The following L3MBTL1 variants were observed in gnomAD, a reference collection of about 807,000 sequenced individuals.
The protein encoded by L3MBTL1 is L3MBTL histone methyl-lysine binding protein 1.
Under a neutral mutation model 105.3 loss-of-function variants are expected in L3MBTL1, and 75 were observed. That is an observed-to-expected ratio of 0.71 (90% CI 0.59 to 0.86). The LOEUF (loss-of-function observed/expected upper bound fraction) is 0.86, where lower values mean the gene tolerates loss of function less well. Ranked by LOEUF, L3MBTL1 falls within the 40% of genes least tolerant of loss-of-function variation. L3MBTL1 has a pLI of 0.00. For missense variants in L3MBTL1, 1,069 were observed against 1,126.4 expected, an observed-to-expected ratio of 0.95 and a Z score of 0.73; for synonymous variants, 452 against 436.2, an observed-to-expected ratio of 1.04 and a Z score of -0.45.
chr20:43,547,256 C>T (rs1978672331), intron 18 of L3MBTL1, among the ~76,000 whole-genome samples: 1 of 152,068 alleles, frequency 6.6e-6, no homozygotes, highest in Non-Finnish European at 1.5e-5. Flanking sequence ...AGGCGCCCGC[C>T]ACCACGCCCA....
chr20:43,550,327 G>T (rs1472357920), exon 19 of L3MBTL1: 1 of 152,228 alleles, frequency 6.6e-6, no homozygotes, highest in African/African-American at 2.4e-5. Context: ...CATCAGATCT[G>T]CCAAGCACCT....
chr20:43,538,331 CT>C (rs1247080258), intron 19 of L3MBTL1, among the ~76,000 whole-genome samples: 1 of 152,344 alleles, frequency 6.6e-6, no homozygotes, highest in Admixed American at 6.5e-5. Flanking sequence ...GAAGCTACAT[CT>C]TTCCAGAGGC....
rs745376971 is a variant in L3MBTL1 at position 43,529,318 on chromosome 20, G to T, written c.1006G>T (p.Gly336Cys). Residue 336 changes from glycine to cysteine, a missense_variant, in exon 9 of 22, where the codon GGC becomes TGC. Transcript: ENST00000418998. ...NGFKLGMKLE[G>C]IDPQHPSMYF... ...CTTCAAACTGGGCATGAAGTTGGAA[G>T]GCATTGACCCTCAACACCCGTCCAT... The T allele has an allele frequency of 6.2e-7, 1 of 1,613,476 alleles. No individual in the cohort carries two copies. Among genetic ancestry groups the T allele is most frequent in the East Asian group, 2.2e-5 (1 of 44,868 alleles).
In L3MBTL1 at chr20:43,514,551, C is replaced by T. The variant is rs1319342782; in HGVS notation, c.361-84C>T. 3 of 1,589,232 alleles carry T rather than the reference C, an allele frequency of 1.9e-6. No individual in the cohort carries two copies. The highest frequency in any genetic ancestry group is 2.3e-5 in the East Asian group (1 of 43,646). On this transcript the variant is annotated intron_variant, in intron 3 of 21. Transcript: ENST00000418998. ...GCTGAGGGCGTGAGCTGGCATGAGG[C>T]GAAGAGAGGGCCATGGCACCGACTC...
exon 19 of L3MBTL1, chr20:43,548,138 C>T (rs2145509681): frequency 3.1e-6 from 4 of 1,304,142 alleles, no homozygotes; most frequent in Non-Finnish European, 4.0e-6. Flanking sequence ...CTTCCTTTTG[C>T]TGACACAGGC....
chr20:43,528,594 A>C, intron 7 of L3MBTL1, 63 bp from the exon 8 acceptor site: 1 of 1,231,086 alleles, frequency 8.1e-7, no homozygotes, highest in Non-Finnish European at 1.2e-6. Context: ...GGTCAGGGGA[A>C]GCCGAAGAAA....
Position 43,515,069 on chromosome 20 carries a change from C to A in L3MBTL1, c.563C>A (p.Thr188Asn), listed in dbSNP as rs762738164. The change falls in exon 5 of 22, where the codon ACC becomes AAC. Residue 188 changes from threonine to asparagine, a missense_variant. Thr to Asn is a moderately conservative substitution (Grantham distance 65). Transcript: ENST00000418998. ...PNQDPPEDDS[T>N]CQCQACGPHQ... ...CAGGACCCCCCAGAGGATGATAGCA[C>A]CTGTCAGTGCCAGGCGTGCGGGCCT... is the stretch of plus-strand genomic sequence containing the variant. 10 of 1,614,152 alleles carry A rather than the reference C, an allele frequency of 6.2e-6. No individual in the cohort carries two copies. Among genetic ancestry groups the A allele is most frequent in the Non-Finnish European group, 8.5e-6 (10 of 1,179,982 alleles).
rs2019529703 is a variant in L3MBTL1, at chr20:43,534,934, C to T, written c.1817C>T (p.Pro606Leu). ...WCSKTGHPLQ[P>L]PLGPREPSSA... ...TCCAAGACAGGACATCCCCTGCAGCCTCCTCTCGGTGTGTACCCCTAGGGC... is the reference window on the plus strand; with the variant it reads ...TCCAAGACAGGACATCCCCTGCAGCTTCCTCTCGGTGTGTACCCCTAGGGC... The change falls in exon 16 of 22, where the codon CCT becomes CTT. Residue 606 changes from proline to leucine, a missense_variant. By Grantham distance (98) the Pro-to-Leu change is moderately conservative. Transcript: ENST00000418998. 3 of 1,599,502 alleles carry T rather than the reference C, an allele frequency of 1.9e-6. No homozygotes were observed. The East Asian group carries it at 6.7e-5, about 36-fold the overall frequency.
chr20:43,547,319 T>C (rs982362873), intron 18 of L3MBTL1, among the ~76,000 whole-genome samples: 20 of 152,100 alleles, frequency 1.3e-4, no homozygotes, highest in African/African-American at 4.1e-4. Context: ...TTAGCCAGGA[T>C]GGTCTCGATC....
At position 43,532,801 on chromosome 20, in the gene L3MBTL1, G is replaced by T. The variant is rs2019407234; in HGVS notation, c.1313G>T (p.Gly438Val). Residue 438 changes from glycine to valine, a missense_variant, in exon 12 of 22, where the codon GGC becomes GTC. Transcript: ENST00000418998. Reference protein sequence around the residue: ...HSPPPLGFQVGMKLEAVDRMN... With the variant: ...HSPPPLGFQVVMKLEAVDRMN... The stretch of plus-strand genomic sequence containing the variant: ...CCCCCACCCCTGGGCTTCCAGGTGG[G>T]CATGAAGCTGGAGGCTGTTGACCGC... 6.2e-7 allele frequency: 1 copy of T among 1,614,238 alleles called. No individual in the cohort carries two copies. The highest frequency in any genetic ancestry group is 8.5e-7 in the Non-Finnish European group (1 of 1,180,028).
At chr20:43,524,718 G>A (rs538681664) in intron 7 of L3MBTL1, among the ~76,000 whole-genome samples, 28 of 152,104 alleles carry the variant, frequency 1.8e-4, no homozygotes, top group African/African-American at 5.8e-4. Context: ...ACGTCTTGAA[G>A]GATGTGAAAA....
intron 13 of L3MBTL1, among the ~76,000 whole-genome samples, chr20:43,533,740 A>G (rs533017485): frequency 6.6e-6 from 1 of 152,286 alleles, no homozygotes; most frequent in South Asian, 2.1e-4. Context: ...TAGAGATTCA[A>G]ATGGGGCTGG....
chr20:43,514,910 A>T, intron 4 of L3MBTL1, 99 bp from the exon 5 acceptor site: 6 of 1,489,832 alleles, frequency 4.0e-6, no homozygotes, highest in Non-Finnish European at 5.4e-6. Flanking sequence ...TCCGATGCGG[A>T]GATGGACCGA....
chr20:43,513,923 G>A lies in L3MBTL1; in HGVS notation c.222G>A (p.Glu74=), dbSNP rs1250869104. 6.5e-7 allele frequency: 1 copy of A among 1,550,358 alleles called. No homozygotes were observed. Among genetic ancestry groups the A allele is most frequent in the Non-Finnish European group, 8.7e-7 (1 of 1,147,000 alleles). The change falls in exon 3 of 22, where the codon GAG becomes GAA. Residue 74 remains glutamate (E), a synonymous_variant. Transcript: ENST00000418998. The stretch of plus-strand genomic sequence containing the variant: ...AGCCAATCCATGTGGGTGCCCCGGA[G>A]CAAGTGGCCGGCTGCGAACCAGTTT... ...PREPIHVGAP[E]QVAGCEPVSA...
chr20:43,546,992 T>C (rs1251568464), intron 18 of L3MBTL1, among the ~76,000 whole-genome samples: 1 of 152,224 alleles, frequency 6.6e-6, no homozygotes, highest in Non-Finnish European at 1.5e-5. Flanking sequence ...TTTGCAGTTT[T>C]TGAGCCAGAA....
intron 11 of L3MBTL1, 22 bp downstream of exon 11, chr20:43,530,911 T>A: frequency 6.3e-7 from 1 of 1,584,922 alleles, no homozygotes. Flanking sequence ...TGAGTGAGAG[T>A]GGATGTCACT....
intron 1 of L3MBTL1, among the ~76,000 whole-genome samples, chr20:43,512,987 T>G (rs2018177097): frequency 6.6e-6 from 1 of 152,134 alleles, no homozygotes; most frequent in Non-Finnish European, 1.5e-5. Flanking sequence ...TCAGGAAAGA[T>G]CCCACCTCCC....
At chr20:43,531,018 T>TGAGAG in intron 11 of L3MBTL1, 129 bp downstream of exon 11, 2 of 744,024 alleles carry the variant, frequency 2.7e-6, no homozygotes, top group Non-Finnish European at 4.4e-6. Flanking sequence ...TGATCTCTCA[T>TGAGAG]ATCAGATGGG....
intron 19 of L3MBTL1, among the ~76,000 whole-genome samples, chr20:43,537,683 G>A (rs538968216): frequency 6.6e-6 from 1 of 152,228 alleles, no homozygotes; most frequent in South Asian, 2.1e-4. Flanking sequence ...CACTAGTACA[G>A]GGCCTGATGC....
Sources: gnomAD v4.1 joint callset for allele counts (sites outside exome capture counted in the v4.1 genomes callset) on GRCh38, gnomAD v4.1.1 for gene constraint, MANE v1.5 for transcripts, NCBI Gene and HGNC (gene_info 2026-07-23, HGNC 2026-07-21) for gene names.